FBXL17: variants seen among roughly 807,000 people sequenced by gnomAD.
The protein encoded by FBXL17 is F-box/LRR-repeat protein 17.
A neutral mutation model predicts 66.2 loss-of-function variants in FBXL17; 22 were observed. The observed-to-expected ratio is 0.33, with a 90% CI of 0.24 to 0.47. The LOEUF (loss-of-function observed/expected upper bound fraction) is 0.47, where lower values mean the gene tolerates loss of function less well. FBXL17 is among the 20% of genes least tolerant of loss of function. The pLI, the probability that FBXL17 is intolerant of heterozygous loss-of-function variation, is 1.00. For synonymous variants in FBXL17, 474 were observed against 400.5 expected (o/e 1.18, Z -2.19); for missense variants, 878 against 948.2 (o/e 0.93, Z 0.97).
Position 108,382,009 on chromosome 5 carries a change from G to C in FBXL17, c.-318C>G. 8.8e-7 allele frequency: 1 copy of C among 1,138,800 alleles called. No individual in the cohort carries two copies. Among genetic ancestry groups the C allele is most frequent in the Non-Finnish European group, 1.1e-6 (1 of 923,058 alleles). The allele number at this position is 1,138,800 out of a possible 1,614,324, so 70.5% of individuals were successfully genotyped here. On this transcript the variant is annotated 5_prime_UTR_variant, in exon 1 of 9. Transcript: ENST00000542267. ...AGTCCGGGCCCGGCCAGCCGGCTCA[G>C]TCAGTCAGCGGAGCGGCCGGGGAAA...
intron 4 of FBXL17, among the ~76,000 whole-genome samples, chr5:108,314,512 G>A (rs921971376): frequency 2.6e-5 from 4 of 151,362 alleles, no homozygotes; most frequent in Non-Finnish European, 4.4e-5. Context: ...TGTTCCAAAT[G>A]CCTTTATTCA....
At chr5:108,340,879 T>G (rs187874998) in intron 4 of FBXL17, among the ~76,000 whole-genome samples, 25 of 152,032 alleles carry the variant, frequency 1.6e-4, no homozygotes, top group African/African-American at 5.5e-4. Flanking sequence ...CTCAAAAGAG[T>G]TGACACTCCA....
At chr5:108,317,100 T>C (rs867718806) in intron 4 of FBXL17, among the ~76,000 whole-genome samples, 3 of 151,216 alleles carry the variant, frequency 2.0e-5, no homozygotes, top group Non-Finnish European at 4.4e-5. Context: ...AGGTACTAAT[T>C]AAGGAGAAGA....
chr5:108,202,149 A>G (rs757176542), intron 5 of FBXL17, among the ~76,000 whole-genome samples: 2 of 152,172 alleles, frequency 1.3e-5, no homozygotes, highest in Non-Finnish European at 2.9e-5. Context: ...TAAAGCCTGA[A>G]GCAACCATTT....
At chr5:108,226,282 G>A (rs553176677) in intron 4 of FBXL17, among the ~76,000 whole-genome samples, 16 of 152,156 alleles carry the variant, frequency 1.1e-4, no homozygotes, top group South Asian at 4.2e-4. Context: ...GTTCCCCATC[G>A]GCACCTAGAA....
At chr5:107,960,692 T>TA (rs200657142) in intron 7 of FBXL17, among the ~76,000 whole-genome samples, 1,623 of 152,258 alleles carry the variant, frequency 0.011, 35 homozygotes, top group African/African-American at 0.038. Context: ...TCTGAATAAA[T>TA]AAAAAATACA....
In FBXL17 at chr5:107,914,442, G is replaced by T. The variant is rs529878071; in HGVS notation, c.1823-33263C>A. Among the ~76,000 whole-genome samples, 58 of 152,214 alleles carry T rather than the reference G, an allele frequency of 3.8e-4. 1 individual carries two copies. The South Asian group carries it at 0.011, about 29-fold the overall frequency. ...TCTGTATTCTTTTTTAGATCCACAG[G>T]TGCAAGGAATATTTGCTGCTGCCCA... is the stretch of plus-strand genomic sequence containing the variant. On this transcript the variant is annotated intron_variant, in intron 7 of 8. Coordinates refer to ENST00000542267, the MANE Select transcript of FBXL17 (RefSeq NM_001163315.3).
intron 6 of FBXL17, among the ~76,000 whole-genome samples, chr5:108,054,952 T>A (rs538782620): frequency 6.6e-6 from 1 of 152,256 alleles, no homozygotes; most frequent in East Asian, 1.9e-4. Context: ...CAGTACTTAG[T>A]GGAGGTAATA....
chr5:107,943,876 T>C (rs1258410338), intron 7 of FBXL17, among the ~76,000 whole-genome samples: 2 of 152,216 alleles, frequency 1.3e-5, no homozygotes, highest in Non-Finnish European at 2.9e-5. Context: ...GTTGCTTCCA[T>C]GCTTAAAAGA....
intron 1 of FBXL17, among the ~76,000 whole-genome samples, chr5:108,372,039 G>T (rs1182223935): frequency 6.6e-6 from 1 of 152,124 alleles, no homozygotes; most frequent in Non-Finnish European, 1.5e-5. Flanking sequence ...CTCCCCTTCT[G>T]TATGGCAGTC....
intron 7 of FBXL17, among the ~76,000 whole-genome samples, chr5:107,929,224 T>C (rs1750644653): frequency 1.3e-5 from 2 of 152,194 alleles, no homozygotes; most frequent in South Asian, 4.1e-4. Flanking sequence ...GTCCTTTTAT[T>C]TCCTTGTGGG....
intron 6 of FBXL17, among the ~76,000 whole-genome samples, chr5:108,065,890 T>C (rs576341762): frequency 6.6e-6 from 1 of 152,062 alleles, no homozygotes; most frequent in East Asian, 1.9e-4. Context: ...TCCTAAAATT[T>C]CCAACAGAGT....
intron 6 of FBXL17, among the ~76,000 whole-genome samples, chr5:108,101,258 T>C (rs540272645): frequency 5.3e-5 from 8 of 152,354 alleles, no homozygotes; most frequent in African/African-American, 1.7e-4. Flanking sequence ...TGTGTGTACA[T>C]AGACCTCTGT....
chr5:108,251,483 G>A (rs1402875629), intron 4 of FBXL17, among the ~76,000 whole-genome samples: 2 of 151,978 alleles, frequency 1.3e-5, no homozygotes, highest in African/African-American at 4.8e-5. Flanking sequence ...CTTATCAGAT[G>A]AATCAAGTAA....
intron 7 of FBXL17, among the ~76,000 whole-genome samples, chr5:107,932,233 G>A (rs1043625718): frequency 2.0e-5 from 3 of 152,126 alleles, no homozygotes; most frequent in East Asian, 3.8e-4. Flanking sequence ...AAATGTTCAC[G>A]TGAATAGAAA....
intron 4 of FBXL17, among the ~76,000 whole-genome samples, chr5:108,275,504 T>C (rs989132215): frequency 1.3e-5 from 2 of 152,172 alleles, no homozygotes; most frequent in Non-Finnish European, 1.5e-5. Flanking sequence ...CCTACTTCTA[T>C]TGCCACTAAA....
intron 6 of FBXL17, among the ~76,000 whole-genome samples, chr5:108,028,061 T>C (rs1384956497): frequency 1.3e-5 from 2 of 152,076 alleles, no homozygotes; most frequent in Non-Finnish European, 2.9e-5. Context: ...TCACCCTACA[T>C]GTAACAAGGA....
intron 7 of FBXL17, among the ~76,000 whole-genome samples, chr5:107,969,980 T>C (rs929276919): frequency 6.6e-6 from 1 of 152,182 alleles, no homozygotes; most frequent in African/African-American, 2.4e-5. Context: ...TAGGGCATAT[T>C]TGCATATTTA....
At chr5:108,259,544 C>T in intron 4 of FBXL17, among the ~76,000 whole-genome samples, 1 of 151,976 alleles carries the variant, frequency 6.6e-6, no homozygotes, top group East Asian at 1.9e-4. Flanking sequence ...TTAGTTTCAC[C>T]CACACAGCCT....
Sources: gnomAD v4.1 joint callset for allele counts (sites outside exome capture counted in the v4.1 genomes callset) on GRCh38, gnomAD v4.1.1 for gene constraint, MANE v1.5 for transcripts, NCBI Gene and HGNC (gene_info 2026-07-23, HGNC 2026-07-21) for gene names.